Variants in WNK2 observed in about 807,000 individuals in gnomAD.
WNK2 encodes serine/threonine-protein kinase WNK2.
In WNK2, 67 loss-of-function variants were observed where a neutral mutation model predicts 192.1. That is an observed-to-expected ratio of 0.35 (90% CI 0.29 to 0.43). The LOEUF is 0.43. WNK2 is among the 20% of genes least tolerant of loss of function. The pLI, the probability that WNK2 is intolerant of heterozygous loss-of-function variation, is 1.00. For missense variants in WNK2, 2,698 were observed against 3,089.7 expected (o/e 0.87, Z 3.01); for synonymous variants, 1,439 against 1,393.9 (o/e 1.03, Z -0.72).
chr9:93,315,681 G>A (rs1350340799), intron 28 of WNK2: 1 of 152,108 alleles, frequency 6.6e-6, no homozygotes, highest in Non-Finnish European at 1.5e-5. Flanking sequence ...CAGACATGCT[G>A]CAATAAGTTA....
At position 93,268,738 on chromosome 9, in the gene WNK2, C is replaced by G; in HGVS notation, c.4025C>G (p.Ala1342Gly). The change falls in exon 19 of 30, where the codon GCC becomes GGC. Residue 1342 changes from alanine (A) to glycine (G), a missense_variant. By Grantham distance (60) the Ala-to-Gly change is moderately conservative (BLOSUM62 0). Transcript: ENST00000427277. ...CCTCTAAGCTCCCTGCCGCCAGAAG[C>G]CAGCCAAGGTATGAGCAGCAGGCGC... ...PLPLSSLPPE[A>G]SQDSAPYKDQ... 4 of 1,612,526 alleles carry G rather than the reference C, an allele frequency of 2.5e-6. No homozygotes were observed. The highest frequency in any genetic ancestry group is 3.4e-6 in the Non-Finnish European group (4 of 1,179,536).
intron 23 of WNK2, among the ~76,000 whole-genome samples, chr9:93,295,148 C>T (rs1850025939): frequency 1.3e-5 from 2 of 152,200 alleles, no homozygotes; most frequent in African/African-American, 4.8e-5. Context: ...CCAGGGGCAG[C>T]TTGGAGTGGT....
intron 25 of WNK2, 71 bp downstream of exon 25, chr9:93,299,332 C>G (rs765623631): frequency 6.7e-7 from 1 of 1,485,898 alleles, no homozygotes; most frequent in African/African-American, 1.4e-5. Context: ...CCCAGGAGCA[C>G]GCCCGTGTTG....
At chr9:93,278,314 C>T (rs936014999) in intron 19 of WNK2, among the ~76,000 whole-genome samples, 3 of 152,114 alleles carry the variant, frequency 2.0e-5, no homozygotes, top group African/African-American at 7.2e-5. Flanking sequence ...GGTGATTCCC[C>T]TGGATGATTT....
intron 19 of WNK2, among the ~76,000 whole-genome samples, chr9:93,274,515 CAAAAA>C (rs67350876): frequency 1.7e-5 from 2 of 118,400 alleles, no homozygotes; most frequent in African/African-American, 6.8e-5. Flanking sequence ...CCGTCTCAAC[CAAAAA>C]AAAAAAAAAA....
intron 1 of WNK2, 55 bp from the exon 2 acceptor site, chr9:93,184,873 G>C: frequency 5.0e-6 from 6 of 1,209,650 alleles, no homozygotes; most frequent in Non-Finnish European, 5.1e-6. Context: ...CCGGCGGCCT[G>C]GGCAGGTGCG....
At chr9:93,264,219 G>A (rs898936523) in intron 16 of WNK2, among the ~76,000 whole-genome samples, 186 bp downstream of exon 16, 9 of 152,170 alleles carry the variant, frequency 5.9e-5, no homozygotes, top group African/African-American at 2.2e-4. Flanking sequence ...GAAACCCCTT[G>A]GGTTTGGAAG....
intron 23 of WNK2, among the ~76,000 whole-genome samples, chr9:93,296,978 T>A (rs1285987215): frequency 1.2e-4 from 8 of 65,694 alleles, no homozygotes; most frequent in Non-Finnish European, 2.4e-4. Context: ...CTCGGCCTCC[T>A]CCCCTTGGCT....
chr9:93,234,239 C>G (rs1162346017), intron 4 of WNK2, among the ~76,000 whole-genome samples: 1 of 152,198 alleles, frequency 6.6e-6, no homozygotes, highest in Non-Finnish European at 1.5e-5. Flanking sequence ...CAGGTGGGTA[C>G]CATTTTCTAC....
chr9:93,288,890 C>A lies in WNK2; in HGVS notation c.4136C>A (p.Ala1379Glu). ...GCGGGCCCCAGCAACCCTCCTGGGG[C>A]ACCCCCAGCCCCTTTGGCCCCCTCC... Reference protein sequence around the residue: ...SQAGPSNPPGAPPAPLAPSSP... With the variant: ...SQAGPSNPPGEPPAPLAPSSP... The change falls in exon 20 of 30, where the codon GCA becomes GAA. Residue 1379 changes from alanine (A) to glutamate (E), a missense_variant. Physicochemically the swap from Ala to Glu is moderately radical, Grantham distance 107. This residue lies in a region of WNK2 where 1,098 missense variants were observed against 1,101.0 expected (regional missense o/e 1.00). Coordinates refer to ENST00000427277, the MANE Select transcript of WNK2 (RefSeq NM_006648.4). 6.2e-7 allele frequency: 1 copy of A among 1,609,646 alleles called. No homozygotes were observed. Among genetic ancestry groups the A allele is most frequent in the Admixed American group, 1.7e-5 (1 of 59,678 alleles).
intron 10 of WNK2, 77 bp downstream of exon 10, chr9:93,256,531 T>A: frequency 7.1e-7 from 1 of 1,415,284 alleles, no homozygotes; most frequent in Admixed American, 2.7e-5. Context: ...CCCAGGTCTA[T>A]GAGCACCTCC....
At chr9:93,318,201 G>A in intron 29 of WNK2, 2 of 1,482,830 alleles carry the variant, frequency 1.3e-6, no homozygotes, top group South Asian at 1.4e-5. Flanking sequence ...CAATTGGCTT[G>A]TGCATTGATA....
chr9:93,235,715 T>C lies in WNK2; in HGVS notation c.1233+750T>C, dbSNP rs371340841. 1.6e-4 allele frequency among the ~76,000 whole-genome samples: 25 copies of C among 152,358 alleles called. No individual in the cohort carries two copies. In the East Asian group the frequency reaches 2.3e-3, roughly 14 times the overall value. On this transcript the variant is annotated intron_variant, in intron 5 of 29. Coordinates refer to ENST00000427277, the MANE Select transcript of WNK2 (RefSeq NM_006648.4). ...TGTCCCTGACATGCGGCGTCTGCACTGAGGGCCCAGGCTGCCCTGATCCCT... is the reference window on the plus strand; with the variant it reads ...TGTCCCTGACATGCGGCGTCTGCACCGAGGGCCCAGGCTGCCCTGATCCCT...
At chr9:93,193,488 C>T (rs961181259) in intron 2 of WNK2, among the ~76,000 whole-genome samples, 1 of 152,218 alleles carries the variant, frequency 6.6e-6, no homozygotes, top group African/African-American at 2.4e-5. Flanking sequence ...GGCTGGTTCC[C>T]GAGGCTGCCT....
intron 25 of WNK2, 125 bp downstream of exon 25, chr9:93,299,386 C>A: frequency 3.2e-6 from 3 of 941,324 alleles, no homozygotes; most frequent in Non-Finnish European, 4.4e-6. Context: ...TGAGAGGCTT[C>A]TTTTAAAAAG....
In WNK2 at chr9:93,238,262, G is replaced by T. The variant is rs759418966; in HGVS notation, c.1263G>T (p.Val421=). ...TCAAGCCGGCCAGCTTTGAGAAAGT[G>T]CACGATCCTGAAATCAAGGAGATTA... ...CGIKPASFEK[V]HDPEIKEIIG... The change falls in exon 6 of 30, where the codon GTG becomes GTT. Residue 421 remains valine (V), a synonymous_variant. Transcript: ENST00000427277. The T allele has an allele frequency of 1.2e-6, 2 of 1,614,044 alleles. No individual in the cohort carries two copies. Among genetic ancestry groups the T allele is most frequent in the South Asian group, 1.1e-5 (1 of 91,088 alleles).
At position 93,202,472 on chromosome 9, in the gene WNK2, C is replaced by T. The variant is rs1050986583; in HGVS notation, c.681+16862C>T. On this transcript the variant is annotated intron_variant, in intron 2 of 29. Coordinates refer to ENST00000427277, the MANE Select transcript of WNK2 (RefSeq NM_006648.4). ...GACCTCACCGAGGGGCCACCTGTCCCGTGGGCGGTCAGCCCGGCCCTACCA... is the reference window on the plus strand; with the variant it reads ...GACCTCACCGAGGGGCCACCTGTCCTGTGGGCGGTCAGCCCGGCCCTACCA... 1.1e-4 allele frequency among the ~76,000 whole-genome samples: 17 copies of T among 152,226 alleles called. 1 individual carries two copies. Among genetic ancestry groups the T allele is most frequent in the East Asian group, 9.7e-4 (5 of 5,168 alleles).
In WNK2 at chr9:93,306,716, T is replaced by A. The variant is rs538413933; in HGVS notation, c.6215-61T>A. ...GACTTTTGCTTAGTGTGGTAGCGTG[T>A]CCCAGTGTGTGCTGTTCTGCCTAAC... is the stretch of plus-strand genomic sequence containing the variant. On this transcript the variant is annotated intron_variant, in intron 26 of 29. Coordinates refer to ENST00000427277, the MANE Select transcript of WNK2 (RefSeq NM_006648.4). The A allele has an allele frequency of 6.6e-5, 106 of 1,601,742 alleles. No individual in the cohort carries two copies. The East Asian group carries it at 7.4e-4, about 11-fold the overall frequency.
intron 21 of WNK2, among the ~76,000 whole-genome samples, chr9:93,291,465 G>A (rs984451096): frequency 1.2e-4 from 18 of 152,330 alleles, no homozygotes; most frequent in African/African-American, 4.1e-4. Flanking sequence ...GCGATTGACA[G>A]TGAACCTCCT....
Sources: allele counts gnomAD v4.1 joint callset (sites outside exome capture counted in the v4.1 genomes callset), GRCh38; gene constraint gnomAD v4.1.1; regional missense constraint gnomAD v4.1.1; transcripts MANE v1.5; gene names NCBI Gene and HGNC (gene_info 2026-07-23, HGNC 2026-07-21).